Variants in MISP observed in about 807,000 individuals in gnomAD.
The protein encoded by MISP is mitotic interactor and substrate of PLK1.
MISP carries 51 observed loss-of-function variants against 49.3 expected under a neutral mutation model. The observed-to-expected ratio is 1.03, with a 90% CI of 0.83 to 1.31. The LOEUF (loss-of-function observed/expected upper bound fraction) is 1.31. Among genes scored for constraint, MISP ranks in the 50% most tolerant of loss-of-function variants. The probability of loss-of-function intolerance (pLI) is 0.00; values close to 1 mark genes in which losing one functional copy is unlikely to be tolerated. For missense variants in MISP, 1,084 were observed against 935.1 expected (o/e 1.16, Z -2.08); for synonymous variants, 444 against 392.6 (o/e 1.13, Z -1.55).
chr19:749,336 C>T (rs935869380), upstream of MISP, among the ~76,000 whole-genome samples: 3 of 152,204 alleles, frequency 2.0e-5, no homozygotes, highest in African/African-American at 7.2e-5. Flanking sequence ...CCTAAACCCC[C>T]GCCATTCCTG....
Position 756,895 on chromosome 19 carries a change from C to G in MISP, c.-52C>G. On this transcript the variant is annotated 5_prime_UTR_variant, in exon 2 of 5. Transcript: ENST00000215582. The stretch of plus-strand genomic sequence containing the variant: ...ATTTCCTTCTCCTCCCTCAGTAAGC[C>G]CAGAGGTCTCCACCCCACGGGAGGA... 7.0e-7 allele frequency: 1 copy of G among 1,424,870 alleles called. No homozygotes were observed. The highest frequency in any genetic ancestry group is 9.4e-7 in the Non-Finnish European group (1 of 1,067,796). The allele number at this position is 1,424,870 out of a possible 1,614,324, so 88.3% of individuals were successfully genotyped here.
rs1407024131 is a variant in MISP, at chr19:762,679, G to A, written c.1951-822G>A. Reference sequence around the variant, plus strand: ...TTTTTTTTTATTTTTACTTTTTTGAGACAGGCTCTCACTCTGTCACCCAGG... The same window carrying A: ...TTTTTTTTTATTTTTACTTTTTTGAAACAGGCTCTCACTCTGTCACCCAGG... On this transcript the variant is annotated intron_variant, in intron 4 of 4. Coordinates refer to ENST00000215582, the MANE Select transcript of MISP (RefSeq NM_173481.4). Among the ~76,000 whole-genome samples, 3 of 151,234 alleles carry A rather than the reference G, an allele frequency of 2.0e-5. No individual in the cohort carries two copies. In the East Asian group the frequency reaches 5.8e-4, roughly 29 times the overall value.
chr19:757,817 A>G lies in MISP; in HGVS notation c.871A>G (p.Thr291Ala), dbSNP rs1481443205. The change falls in exon 2 of 5, where the codon ACG becomes GCG. Residue 291 changes from threonine to alanine, a missense_variant. By Grantham distance (58) the Thr-to-Ala change is moderately conservative. Transcript: ENST00000215582. Reference sequence around the variant, plus strand: ...GGAGTCCCCGGGGACCCCCAAGGAGACGCCCATCGAGCGGGAGATCCGTCT... The same window carrying G: ...GGAGTCCCCGGGGACCCCCAAGGAGGCGCCCATCGAGCGGGAGATCCGTCT... ...SVESPGTPKE[T>A]PIEREIRLAQ... 6.2e-7 allele frequency: 1 copy of G among 1,610,966 alleles called. No individual in the cohort carries two copies. Among genetic ancestry groups the G allele is most frequent in the Admixed American group, 1.7e-5 (1 of 59,848 alleles).
Position 758,572 on chromosome 19 carries a change from G to C in MISP, c.1626G>C (p.Gln542His), listed in dbSNP as rs1431149050. ...CTGCACTGAGGCTGCAGAAGTCCCA[G>C]TCATCTGATCTGCTGGAAAGGGAGA... ...GAPALRLQKS[Q>H]SSDLLERERE... The change falls in exon 2 of 5, where the codon CAG becomes CAC. Residue 542 changes from glutamine (Q) to histidine (H), a missense_variant. Transcript: ENST00000215582. The C allele has an allele frequency of 6.2e-7, 1 of 1,614,264 alleles. No homozygotes were observed. The highest frequency in any genetic ancestry group is 8.5e-7 in the Non-Finnish European group (1 of 1,180,044).
At chr19:760,710 G>A (rs2033658913) in intron 3 of MISP, among the ~76,000 whole-genome samples, 1 of 151,770 alleles carries the variant, frequency 6.6e-6, no homozygotes, top group Admixed American at 6.6e-5. Flanking sequence ...AGAGAAGGCA[G>A]GAGGGAGGGA....
chr19:758,676 C>A lies in MISP; in HGVS notation c.1730C>A (p.Thr577Lys), dbSNP rs184245064. ...NALFPEVFSP[T>K]PDENSDQNSR... ...CTCTTCCCAGAGGTCTTCTCCCCAACGCCAGATGAGAACTCTGACCAGAAC... is the reference window on the plus strand; with the variant it reads ...CTCTTCCCAGAGGTCTTCTCCCCAAAGCCAGATGAGAACTCTGACCAGAAC... The change falls in exon 2 of 5, where the codon ACG (threonine) becomes AAG (lysine). Residue 577 changes from threonine (T) to lysine (K), a missense_variant. Coordinates refer to ENST00000215582, the MANE Select transcript of MISP (RefSeq NM_173481.4). 3 of 1,614,086 alleles carry A rather than the reference C, an allele frequency of 1.9e-6. No homozygotes were observed. Among genetic ancestry groups the A allele is most frequent in the South Asian group, 2.2e-5 (2 of 91,086 alleles).
chr19:749,878 T>G (rs2384774), upstream of MISP, among the ~76,000 whole-genome samples: 76,814 of 151,608 alleles, frequency 0.51, 20,706 homozygotes, highest in East Asian at 0.77. Context: ...GCTGGATTCG[T>G]AGCTGGGGGC....
Position 757,336 on chromosome 19 carries a change from C to T in MISP, c.390C>T (p.Asp130=), listed in dbSNP as rs1365006241. Residue 130 remains aspartate (D), a synonymous_variant, in exon 2 of 5, where the codon GAC becomes GAT. Transcript: ENST00000215582. ...EMKTYRLDAG[D]ADPRRLCDLE... ...AGACCTACCGCCTGGATGCTGGGGA[C>T]GCTGACCCCAGGAGGCTGTGTGACC... is the stretch of plus-strand genomic sequence containing the variant. 24 of 1,613,714 alleles carry T rather than the reference C, an allele frequency of 1.5e-5. No individual in the cohort carries two copies. Among genetic ancestry groups the T allele is most frequent in the Non-Finnish European group, 1.9e-5 (22 of 1,179,918 alleles).
In MISP at chr19:757,592, G is replaced by A. The variant is rs1180276077; in HGVS notation, c.646G>A (p.Ala216Thr). 5.6e-6 allele frequency: 9 copies of A among 1,612,474 alleles called. No individual in the cohort carries two copies. Among genetic ancestry groups the A allele is most frequent in the Non-Finnish European group, 7.6e-6 (9 of 1,179,630 alleles). The change falls in exon 2 of 5, where the codon GCC becomes ACC. Residue 216 changes from alanine to threonine, a missense_variant. By Grantham distance (58) the Ala-to-Thr change is moderately conservative. Transcript: ENST00000215582. Reference protein sequence around the residue: ...ANKGAPHSSPARGTPAGTTPG... With the variant: ...ANKGAPHSSPTRGTPAGTTPG... Reference sequence around the variant, plus strand: ...CAAGGGGGCCCCTCATAGCTCCCCGGCCAGGGGGACCCCTGCAGGCACAAC... The same window carrying A: ...CAAGGGGGCCCCTCATAGCTCCCCGACCAGGGGGACCCCTGCAGGCACAAC...
chr19:758,971 G>A (rs755380028), intron 2 of MISP, among the ~76,000 whole-genome samples: 28 of 152,164 alleles, frequency 1.8e-4, no homozygotes, highest in Non-Finnish European at 3.1e-4. Flanking sequence ...GTTGTTAGGC[G>A]CATAAATGTT....
At chr19:761,276 C>T (rs925100504) in intron 3 of MISP, among the ~76,000 whole-genome samples, 14 of 150,288 alleles carry the variant, frequency 9.3e-5, no homozygotes, top group Admixed American at 9.3e-4. Flanking sequence ...GCTAGGGAGG[C>T]TCCATCCGGG....
intron 1 of MISP, among the ~76,000 whole-genome samples, chr19:756,176 G>C (rs1383919534): frequency 6.6e-6 from 1 of 152,160 alleles, no homozygotes; most frequent in East Asian, 1.9e-4. Context: ...CCCACTGGGG[G>C]CATTTACGTC....
upstream of MISP, among the ~76,000 whole-genome samples, chr19:750,500 C>G (rs2144948009): frequency 6.6e-6 from 1 of 152,176 alleles, no homozygotes; most frequent in African/African-American, 2.4e-5. Flanking sequence ...AAGTCCGGCC[C>G]CCTCGTATGG....
Position 758,870 on chromosome 19 carries a change from T to A in MISP, c.1780+144T>A, listed in dbSNP as rs149707819. On this transcript the variant is annotated intron_variant, in intron 2 of 4. Coordinates refer to ENST00000215582, the MANE Select transcript of MISP (RefSeq NM_173481.4). Reference sequence around the variant, plus strand: ...CCTGACTGTTCATCCCCTCAGTCGCTGGTTTGTCTGCCTGTCTATTAAAAA... The same window carrying A: ...CCTGACTGTTCATCCCCTCAGTCGCAGGTTTGTCTGCCTGTCTATTAAAAA... The A allele has an allele frequency of 4.3e-4, 272 of 631,978 alleles. 3 individuals carry two copies. The African/African-American group carries it at 4.6e-3, about 11-fold the overall frequency. The allele number at this position is 631,978 out of a possible 1,614,324, so 39.1% of individuals were successfully genotyped here.
chr19:760,272 A>G (rs545631552), intron 3 of MISP: 1 of 458,424 alleles, frequency 2.2e-6, no homozygotes, highest in African/African-American at 2.0e-5. Flanking sequence ...TGTCCCCATC[A>G]GGAGGTCATC....
At position 758,723 on chromosome 19, in the gene MISP, TC is replaced by T; in HGVS notation, c.1779del (p.Gly594AlafsTer64). Reference protein sequence around the residue: ...DQNSRSSSQASGITGSYSVSE... With the variant: ...DQNSRSSSQAXGITGSYSVSE... The stretch of plus-strand genomic sequence containing the variant: ...GAACTCCAGGAGCTCCTCCCAGGCA[TC>T]CGGTGAGAAGGGGCTCCAGGGAGTG... On this transcript the variant is annotated frameshift_variant and splice_region_variant, in exon 2 of 5. Coordinates refer to ENST00000215582, the MANE Select transcript of MISP (RefSeq NM_173481.4). LOFTEE classifies it high-confidence loss of function. 1 of 1,611,258 alleles carries T rather than the reference TC, an allele frequency of 6.2e-7. No homozygotes were observed. The highest frequency in any genetic ancestry group is 8.5e-7 in the Non-Finnish European group (1 of 1,178,234).
At chr19:756,627 T>C (rs1430587215) in intron 1 of MISP, among the ~76,000 whole-genome samples, 4 of 151,764 alleles carry the variant, frequency 2.6e-5, no homozygotes, top group African/African-American at 9.7e-5. Context: ...TGAGTGGCTG[T>C]ACTGTGTCAC....
At position 763,683 on chromosome 19, in the gene MISP, C is replaced by T; in HGVS notation, c.*93C>T. On this transcript the variant is annotated 3_prime_UTR_variant, in exon 5 of 5. Transcript: ENST00000215582. ...AAGCCCCCACCCTAGGAAATGGGTC[C>T]TAGGTCCAGGATCCAAGAACCACAG... 1 of 861,308 alleles carries T rather than the reference C, an allele frequency of 1.2e-6. No individual in the cohort carries two copies. The highest frequency in any genetic ancestry group is 1.9e-6 in the Non-Finnish European group (1 of 531,302). 53.4% of individuals were successfully genotyped at this position (861,308 alleles called of 1,614,324 possible).
chr19:761,767 T>A (rs2033676256), intron 4 of MISP, 104 bp downstream of exon 4: 3 of 1,248,458 alleles, frequency 2.4e-6, no homozygotes, highest in Non-Finnish European at 2.3e-6. Flanking sequence ...GTGGGGATCG[T>A]ATTGGGTGTC....
Sources: allele counts gnomAD v4.1 joint callset (sites outside exome capture counted in the v4.1 genomes callset), GRCh38; gene constraint gnomAD v4.1.1; transcripts MANE v1.5; gene names NCBI Gene and HGNC (gene_info 2026-07-23, HGNC 2026-07-21).